The following SHTN1 variants were observed in gnomAD, a reference collection of about 807,000 sequenced individuals.
SHTN1 encodes the protein shootin 1.
In SHTN1, 42 loss-of-function variants were observed where a neutral mutation model predicts 83.1. That is an observed-to-expected ratio of 0.51 (90% CI 0.39 to 0.65). SHTN1 has a LOEUF of 0.65. SHTN1 is among the 30% of genes least tolerant of loss of function. SHTN1 has a pLI of 0.00. For synonymous variants in SHTN1, 224 were observed against 247.7 expected, an observed-to-expected ratio of 0.90 and a Z score of 0.90; for missense variants, 622 against 737.8, an observed-to-expected ratio of 0.84 and a Z score of 1.82.
chr10:117,029,048 A>C (rs527860076), intron 2 of SHTN1, among the ~76,000 whole-genome samples: 1 of 152,146 alleles, frequency 6.6e-6, no homozygotes, highest in Non-Finnish European at 1.5e-5. Context: ...ACCAAGGCCA[A>C]AACTCTGCAA....
chr10:117,008,134 T>C (rs1458667911), upstream of SHTN1, among the ~76,000 whole-genome samples: 3 of 151,990 alleles, frequency 2.0e-5, no homozygotes, highest in Non-Finnish European at 4.4e-5. Context: ...TACAAATATA[T>C]ACATAGAGAT....
intron 1 of SHTN1, among the ~76,000 whole-genome samples, chr10:117,110,240 T>C (rs1853745592): frequency 6.6e-6 from 1 of 152,256 alleles, no homozygotes; most frequent in Non-Finnish European, 1.5e-5. Flanking sequence ...TCCAACTGGC[T>C]TATTGTAATC....
At chr10:117,022,347 T>C (rs1852275361) in intron 2 of SHTN1, among the ~76,000 whole-genome samples, 1 of 152,224 alleles carries the variant, frequency 6.6e-6, no homozygotes, top group African/African-American at 2.4e-5. Flanking sequence ...CTACAGTGAC[T>C]TGAGGTTCAA....
chr10:117,113,265 G>A (rs1016049890), intron 1 of SHTN1, among the ~76,000 whole-genome samples: 1 of 152,166 alleles, frequency 6.6e-6, no homozygotes, highest in African/African-American at 2.4e-5. Context: ...ACACAAATTC[G>A]GTTTTGCCCT....
At chr10:117,036,643 T>G (rs1589905743) in intron 2 of SHTN1, among the ~76,000 whole-genome samples, 1 of 151,444 alleles carries the variant, frequency 6.6e-6, no homozygotes, top group Admixed American at 6.6e-5. Context: ...AGTAGTGGAG[T>G]GGGTGGGGGG....
At chr10:117,108,561 G>A (rs1311082484) in intron 1 of SHTN1, among the ~76,000 whole-genome samples, 1 of 113,548 alleles carries the variant, frequency 8.8e-6, no homozygotes, top group Non-Finnish European at 1.7e-5. Context: ...CTGTCGTGGG[G>A]TGGGGGGAGG....
chr10:116,998,433 G>A (rs867681774), intron 1 of SHTN1, among the ~76,000 whole-genome samples: 3 of 152,158 alleles, frequency 2.0e-5, no homozygotes. Context: ...GAGAGAGAGA[G>A]AGAGACCACA....
chr10:116,974,087 T>G, intron 2 of SHTN1: 3 of 1,071,718 alleles, frequency 2.8e-6, no homozygotes, highest in Non-Finnish European at 3.4e-6. Flanking sequence ...GTTCTTTCCC[T>G]CCAATTTTCA....
At chr10:117,104,615 G>A (rs1853646689) in intron 1 of SHTN1, among the ~76,000 whole-genome samples, 1 of 151,996 alleles carries the variant, frequency 6.6e-6, no homozygotes, top group South Asian at 2.1e-4. Flanking sequence ...TCTACTAAAA[G>A]TACAAAAAAT....
chr10:117,068,022 G>A (rs1211093931), intron 1 of SHTN1, among the ~76,000 whole-genome samples: 1 of 152,142 alleles, frequency 6.6e-6, no homozygotes, highest in Non-Finnish European at 1.5e-5. Context: ...GTGGAGCTAT[G>A]AGAGGTGAGA....
At chr10:116,894,596 G>A (rs1053258876) in intron 16 of SHTN1, among the ~76,000 whole-genome samples, 1 of 152,150 alleles carries the variant, frequency 6.6e-6, no homozygotes, top group Non-Finnish European at 1.5e-5. Context: ...AGCTATGAAA[G>A]CACTGCAAAC....
chr10:117,034,515 C>A (rs764440059), intron 2 of SHTN1, among the ~76,000 whole-genome samples: 2 of 152,034 alleles, frequency 1.3e-5, no homozygotes, highest in Non-Finnish European at 2.9e-5. Context: ...GTGGCACATG[C>A]CTCTAATCCC....
intron 1 of SHTN1, among the ~76,000 whole-genome samples, chr10:117,050,017 A>C (rs919347893): frequency 6.6e-6 from 1 of 152,110 alleles, no homozygotes; most frequent in Non-Finnish European, 1.5e-5. Context: ...AACAGAAATA[A>C]ATGAAACTGA....
chr10:117,005,334 C>G, upstream of SHTN1: 1 of 1,291,466 alleles, frequency 7.7e-7, no homozygotes, highest in Non-Finnish European at 9.8e-7. Flanking sequence ...GGTGGAGGAA[C>G]GAGGGCGGGT....
At chr10:116,940,147 T>A (rs1849315709) in intron 9 of SHTN1, among the ~76,000 whole-genome samples, 3 of 152,172 alleles carry the variant, frequency 2.0e-5, no homozygotes, top group African/African-American at 4.8e-5. Context: ...AATATAACAT[T>A]TCCAAAAATT....
At chr10:117,065,917 A>G in intron 1 of SHTN1, among the ~76,000 whole-genome samples, 1 of 125,196 alleles carries the variant, frequency 8.0e-6, no homozygotes, top group Admixed American at 7.8e-5. Context: ...AGGGGGGAAA[A>G]ATTAGGCTGG....
intron 3 of SHTN1, 150 bp from the exon 4 acceptor site, chr10:116,960,380 C>A: frequency 1.9e-6 from 1 of 519,826 alleles, no homozygotes; most frequent in Non-Finnish European, 3.4e-6. Context: ...GAGAAGCTGC[C>A]CTGATTAAAT....
intron 1 of SHTN1, among the ~76,000 whole-genome samples, chr10:117,065,713 G>T (rs1852968148): frequency 4.5e-5 from 3 of 67,346 alleles, no homozygotes; most frequent in Non-Finnish European, 1.1e-4. Context: ...GCGAGAGAGA[G>T]AGAGAGAGAG....
intron 1 of SHTN1, among the ~76,000 whole-genome samples, chr10:117,095,151 A>G (rs1440487545): frequency 1.3e-5 from 2 of 152,208 alleles, no homozygotes; most frequent in African/African-American, 4.8e-5. Flanking sequence ...GCTGCCCCAC[A>G]CTAAAGCTTA....
Sources: allele counts gnomAD v4.1 joint callset (sites outside exome capture counted in the v4.1 genomes callset), GRCh38; gene constraint gnomAD v4.1.1; transcripts MANE v1.5; gene names NCBI Gene and HGNC (gene_info 2026-07-23, HGNC 2026-07-21).